Variants in PUM1 observed in about 807,000 individuals in gnomAD.
The protein encoded by PUM1 is pumilio RNA binding family member 1, also known as pumilio homolog 1.
A neutral mutation model predicts 131.8 loss-of-function variants in PUM1; 13 were observed. The ratio of observed to expected loss-of-function variants is 0.10; its 90% confidence interval spans 0.06 to 0.16. PUM1 has a LOEUF of 0.16. PUM1 is among the 10% of genes least tolerant of loss of function. The pLI is 1.00. For synonymous variants in PUM1, 509 were observed against 556.5 expected (o/e 0.91, Z 1.20); for missense variants, 961 against 1,512.4 (o/e 0.64, Z 6.05).
chr1:31,043,348 AC>A (rs925971652), intron 2 of PUM1, among the ~76,000 whole-genome samples: 4 of 148,800 alleles, frequency 2.7e-5, no homozygotes, highest in African/African-American at 7.4e-5. Context: ...GATTATAGGC[AC>A]CCCCCCATCA....
intron 2 of PUM1, among the ~76,000 whole-genome samples, chr1:31,040,937 C>T (rs1464624940): frequency 6.6e-6 from 1 of 152,120 alleles, no homozygotes; most frequent in Admixed American, 6.5e-5. Context: ...ATCAATTTGG[C>T]AGTGGCACAG....
At chr1:30,967,077 C>A (rs1256060438) in intron 12 of PUM1, 90 bp downstream of exon 12, 6 of 1,521,800 alleles carry the variant, frequency 3.9e-6, no homozygotes, top group Non-Finnish European at 5.4e-6. Context: ...CTGAGAATTG[C>A]CAAAAGTTTA....
At chr1:31,014,667 T>C (rs866139019) in intron 3 of PUM1, among the ~76,000 whole-genome samples, 6 of 151,484 alleles carry the variant, frequency 4.0e-5, no homozygotes, top group South Asian at 2.1e-4. Flanking sequence ...CAGGCGCCTA[T>C]AATCCCAGCT....
At chr1:31,011,164 T>TACACACACAC (rs138764103) in intron 3 of PUM1, among the ~76,000 whole-genome samples, 9,363 of 142,880 alleles carry the variant, frequency 0.066, 336 homozygotes, top group Non-Finnish European at 0.081. Flanking sequence ...TCTCTTAAAA[T>TACACACACAC]ACACACACAC....
Position 30,963,567 on chromosome 1 carries a change from C to CT in PUM1, c.2323+1106dup, listed in dbSNP as rs1212426211. On this transcript the variant is annotated intron_variant, in intron 14 of 21. Transcript: ENST00000426105. The stretch of plus-strand genomic sequence containing the variant: ...CACTCCTAGGTCTAGAATAATAAGT[C>CT]TATTACCCTACCCACTTCAGACTTC... Among the ~76,000 whole-genome samples the CT allele has an allele frequency of 4.6e-5, 7 of 152,304 alleles. No homozygotes were observed. In the South Asian group the frequency reaches 1.0e-3, roughly 23 times the overall value.
At chr1:31,022,033 T>C (rs889519981) in intron 3 of PUM1, among the ~76,000 whole-genome samples, 2 of 151,536 alleles carry the variant, frequency 1.3e-5, no homozygotes, top group African/African-American at 4.9e-5. Flanking sequence ...CTGGGAAAAT[T>C]GTATACACTC....
Position 30,950,250 on chromosome 1 carries a change from A to C in PUM1, c.2733T>G (p.Leu911=), listed in dbSNP as rs765786357. The C allele has an allele frequency of 1.9e-6, 3 of 1,613,402 alleles. No individual in the cohort carries two copies. Among genetic ancestry groups the C allele is most frequent in the Non-Finnish European group, 1.7e-6 (2 of 1,179,740 alleles). Residue 911 remains leucine, a synonymous_variant, in exon 17 of 22, where the codon CTT becomes CTG. Coordinates refer to ENST00000426105, the MANE Select transcript of PUM1 (RefSeq NM_001020658.2). The part of the protein sequence containing the change: ...VIQKFFEFGS[L]EQKLALAERI... Reference sequence around the variant, plus strand: ...GTTCTGCCAAAGCCAGCTTCTGTTCAAGACTGCCAAACTAGACATAATGTG... The same window carrying C: ...GTTCTGCCAAAGCCAGCTTCTGTTCCAGACTGCCAAACTAGACATAATGTG...
intron 3 of PUM1, among the ~76,000 whole-genome samples, chr1:31,016,667 T>C (rs1252845247): frequency 1.3e-5 from 2 of 152,190 alleles, no homozygotes; most frequent in Admixed American, 1.3e-4. Context: ...TTTCTTCATA[T>C]TTCTCTACTA....
At chr1:30,940,682 T>C (rs897518505) in intron 20 of PUM1, among the ~76,000 whole-genome samples, 1 of 152,224 alleles carries the variant, frequency 6.6e-6, no homozygotes, top group Non-Finnish European at 1.5e-5. Context: ...CTGCTACTTA[T>C]AAGTGACCTA....
At chr1:30,961,568 T>A (rs1259443680) in intron 14 of PUM1, among the ~76,000 whole-genome samples, 1 of 152,044 alleles carries the variant, frequency 6.6e-6, no homozygotes, top group African/African-American at 2.4e-5. Context: ...AGGTTTGTTT[T>A]TAGTCTGAAC....
intron 6 of PUM1, among the ~76,000 whole-genome samples, chr1:30,992,949 G>A (rs1641846387): frequency 6.6e-6 from 1 of 151,980 alleles, no homozygotes; most frequent in African/African-American, 2.4e-5. Context: ...GAAATAAAGT[G>A]GAAAAATCAC....
chr1:30,968,402 C>T lies in PUM1; in HGVS notation c.1597G>A (p.Val533Met), dbSNP rs747316928. Residue 533 changes from valine (V) to methionine (M), a missense_variant, in exon 11 of 22, where the codon GTG becomes ATG. Coordinates refer to ENST00000426105, the MANE Select transcript of PUM1 (RefSeq NM_001020658.2). Reference sequence around the variant, plus strand: ...TGTCCAAATGCAAGGGCAGAATTCACTGCTGCAGCTGCCACAAGGGGATCC... The same window carrying T: ...TGTCCAAATGCAAGGGCAGAATTCATTGCTGCAGCTGCCACAAGGGGATCC... ...QTDPLVAAAAVNSALAFGQGL... is the reference protein window; with the variant it reads ...QTDPLVAAAAMNSALAFGQGL... 3.1e-6 allele frequency: 5 copies of T among 1,597,252 alleles called. No individual in the cohort carries two copies. Among genetic ancestry groups the T allele is most frequent in the Non-Finnish European group, 2.6e-6 (3 of 1,172,220 alleles).
intron 6 of PUM1, among the ~76,000 whole-genome samples, chr1:30,993,296 A>G (rs2124487314): frequency 6.6e-6 from 1 of 151,710 alleles, no homozygotes; most frequent in South Asian, 2.1e-4. Flanking sequence ...ATTAAAAGTA[A>G]TGGGAAGATG....
intron 20 of PUM1, among the ~76,000 whole-genome samples, chr1:30,939,545 T>A (rs1359012236): frequency 6.6e-6 from 1 of 152,232 alleles, no homozygotes; most frequent in Non-Finnish European, 1.5e-5. Flanking sequence ...ATTTCCCCAG[T>A]GCAATTCTCT....
chr1:31,012,665 T>C (rs1302078680), intron 3 of PUM1, among the ~76,000 whole-genome samples: 1 of 152,122 alleles, frequency 6.6e-6, no homozygotes, highest in African/African-American at 2.4e-5. Context: ...GACACTTCTT[T>C]TAAATTTGTC....
chr1:30,968,320 T>C, intron 11 of PUM1, 34 bp downstream of exon 11: 1 of 1,587,176 alleles, frequency 6.3e-7, no homozygotes, highest in South Asian at 1.1e-5. Context: ...CCTTTTTCCC[T>C]GCCAAAGTAT....
chr1:31,039,680 C>T (rs577511436), intron 2 of PUM1, among the ~76,000 whole-genome samples: 3 of 151,356 alleles, frequency 2.0e-5, no homozygotes, highest in South Asian at 2.1e-4. Context: ...GCAGGCTAAT[C>T]ACCTGAGGTC....
In PUM1 at chr1:31,059,424, G is replaced by A. The variant is rs2124008617; in HGVS notation, c.143C>T (p.Pro48Leu). 6.2e-7 allele frequency: 1 copy of A among 1,614,184 alleles called. No individual in the cohort carries two copies. The highest frequency in any genetic ancestry group is 2.2e-5 in the East Asian group (1 of 44,874). ...LTSGTGSQAQ[P>L]QPAANQALAA... is the part of the protein sequence containing the mutation. ...AAGAGCCTGATTTGCAGCTGGTTGT[G>A]GCTGCGCTTGCGACCCTGTTCCAGA... The change falls in exon 2 of 22, where the codon CCA becomes CTA. Residue 48 changes from proline (P) to leucine (L), a missense_variant. Coordinates refer to ENST00000426105, the MANE Select transcript of PUM1 (RefSeq NM_001020658.2).
At chr1:31,013,971 G>A (rs368381183) in intron 3 of PUM1, among the ~76,000 whole-genome samples, 3 of 152,044 alleles carry the variant, frequency 2.0e-5, no homozygotes, top group Non-Finnish European at 4.4e-5. Context: ...CCTGGTTAGC[G>A]TAATTCTTTT....
Sources: gnomAD v4.1 joint callset for allele counts (sites outside exome capture counted in the v4.1 genomes callset) on GRCh38, gnomAD v4.1.1 for gene constraint, MANE v1.5 for transcripts, NCBI Gene and HGNC (gene_info 2026-07-23, HGNC 2026-07-21) for gene names.